The following MED28 variants were observed in gnomAD, a reference collection of about 807,000 sequenced individuals.
MED28 encodes mediator complex subunit 28.
A neutral mutation model predicts 21.3 loss-of-function variants in MED28; 26 were observed. The observed-to-expected ratio is 1.22, with a 90% CI of 0.89 to 1.69. MED28 has a LOEUF of 1.69. MED28 is among the 40% of genes most tolerant of loss of function. MED28 has a pLI of 0.00. For synonymous variants in MED28, 110 were observed against 87.6 expected (o/e 1.26, Z -1.43); for missense variants, 257 against 215.4 (o/e 1.19, Z -1.21).
rs1484227433 is a variant in MED28, at chr4:17,632,935, TTTTTGTGACA to T, written c.*9138_*9147del. On this transcript the variant is annotated 3_prime_UTR_variant, in exon 4 of 4. Coordinates refer to ENST00000237380, the MANE Select transcript of MED28 (RefSeq NM_025205.5). Reference sequence around the variant, plus strand: ...ACAGATCAAGAGACTTTGTTTTTATTTTTTGTGACAGAGTCTCCCTCTGTCACCCAGGCTG... The same window carrying T: ...ACAGATCAAGAGACTTTGTTTTTATTGAGTCTCCCTCTGTCACCCAGGCTG... The T allele has an allele frequency of 5.1e-6, 1 of 197,546 alleles. No homozygotes were observed. The highest frequency in any genetic ancestry group is 5.4e-5 in the Admixed American group (1 of 18,516). The allele number at this position is 197,546 out of a possible 1,614,324, so 12.2% of individuals were successfully genotyped here. A position where few individuals can be genotyped will look rare whatever the true frequency, so the allele number is the denominator to read the frequency against.
chr4:17,616,799 G>T (rs1218821902), intron 1 of MED28, among the ~76,000 whole-genome samples: 1 of 152,188 alleles, frequency 6.6e-6, no homozygotes, highest in Non-Finnish European at 1.5e-5. Context: ...GATAGCAAGT[G>T]CTAGATGAAT....
intron 1 of MED28, among the ~76,000 whole-genome samples, chr4:17,619,294 G>A (rs1560157165): frequency 6.6e-6 from 1 of 152,222 alleles, no homozygotes; most frequent in East Asian, 1.9e-4. Context: ...CATCCAGTCA[G>A]TAATATGTGT....
rs10028512 is a variant in MED28 at position 17,627,146 on chromosome 4, T to C, written c.*3348T>C. 108,844 of 151,932 alleles carry C rather than the reference T, an allele frequency of 0.72. 39,848 individuals carry two copies. Among genetic ancestry groups the C allele is most frequent in the East Asian group, 0.93 (4,775 of 5,144 alleles). The allele number at this position is 151,932 out of a possible 1,614,324, so 9.4% of individuals were successfully genotyped here. A position where few individuals can be genotyped will look rare whatever the true frequency, so the allele number is the denominator to read the frequency against. ...GATAATTTTGTATTTTTAGTAGAGA[T>C]GGGGTTTCACCATGTTGGTCAGGAT... On this transcript the variant is annotated 3_prime_UTR_variant, in exon 4 of 4. Transcript: ENST00000237380.
chr4:17,621,783 C>T lies in MED28; in HGVS notation c.339+84C>T, dbSNP rs560568598. On this transcript the variant is annotated intron_variant, in intron 3 of 3. Transcript: ENST00000237380. ...TTTTATGCTTTAAATGAGATGTAAC[C>T]GTTTCCTGCGAGTTTCATTCAGGCT... 30 of 905,138 alleles carry T rather than the reference C, an allele frequency of 3.3e-5. No individual in the cohort carries two copies. The South Asian group carries it at 4.1e-4, about 12-fold the overall frequency. 56.1% of individuals were successfully genotyped at this position (905,138 alleles called of 1,614,324 possible). A position where few individuals can be genotyped will look rare whatever the true frequency, so the allele number is the denominator to read the frequency against.
intron 2 of MED28, 129 bp from the exon 3 acceptor site, chr4:17,621,458 G>A: frequency 1.7e-6 from 1 of 589,056 alleles, no homozygotes; most frequent in African/African-American, 1.9e-5. Flanking sequence ...TACTGCTGTG[G>A]CCAAGATTAA....
chr4:17,619,799 C>T, intron 1 of MED28, 102 bp from the exon 2 acceptor site: 5 of 947,048 alleles, frequency 5.3e-6, no homozygotes, highest in Non-Finnish European at 8.4e-6. Flanking sequence ...ACAGATGCTG[C>T]CACCTCATCA....
rs527636470 is a variant in MED28, at chr4:17,623,267, G to C, written c.340-334G>C. Among the ~76,000 whole-genome samples, 470 of 152,166 alleles carry C rather than the reference G, an allele frequency of 3.1e-3. 1 individual carries two copies. The highest frequency in any genetic ancestry group is 4.4e-3 in the Non-Finnish European group (296 of 68,006). On this transcript the variant is annotated intron_variant, in intron 3 of 3. Transcript: ENST00000237380. The stretch of plus-strand genomic sequence containing the variant: ...AATATAAAAATTAGCTGGGTGTGGT[G>C]GCGTGTGCCTGTGATCCCAGCTACT...
Position 17,632,512 on chromosome 4 carries a change from G to A in MED28, c.*8714G>A. 1 of 1,520,286 alleles carries A rather than the reference G, an allele frequency of 6.6e-7. No homozygotes were observed. The highest frequency in any genetic ancestry group is 8.9e-7 in the Non-Finnish European group (1 of 1,120,294). The allele number at this position is 1,520,286 out of a possible 1,614,324, so 94.2% of individuals were successfully genotyped here. ...TAAATGTTTTTCAAGTATCCTCTGT[G>A]ATGTATCCCAAAGGTTAGCTTAGAA... On this transcript the variant is annotated 3_prime_UTR_variant, in exon 4 of 4. Transcript: ENST00000237380.
chr4:17,633,387 T>C lies in MED28; in HGVS notation c.*9589T>C, dbSNP rs1715023348. 1 of 241,254 alleles carries C rather than the reference T, an allele frequency of 4.1e-6. No individual in the cohort carries two copies. Among genetic ancestry groups the C allele is most frequent in the African/African-American group, 2.2e-5 (1 of 44,648 alleles). 14.9% of individuals were successfully genotyped at this position (241,254 alleles called of 1,614,324 possible). A position where few individuals can be genotyped will look rare whatever the true frequency, so the allele number is the denominator to read the frequency against. On this transcript the variant is annotated 3_prime_UTR_variant, in exon 4 of 4. Transcript: ENST00000237380. ...CGTCAGTCTGATGAGATAGGTGCTG[T>C]ATTATCTTAATTTTAAAGGCAAGGT...
intron 1 of MED28, among the ~76,000 whole-genome samples, chr4:17,616,730 C>T (rs1441124154): frequency 6.6e-6 from 1 of 152,156 alleles, no homozygotes; most frequent in Non-Finnish European, 1.5e-5. Context: ...CAGAGACTAC[C>T]TGTTTTGTAC....
chr4:17,619,184 T>C (rs1714545493), intron 1 of MED28, among the ~76,000 whole-genome samples: 1 of 152,224 alleles, frequency 6.6e-6, no homozygotes. Flanking sequence ...TGCACAGAGC[T>C]CCTTGGCTGA....
chr4:17,621,799 C>T lies in MED28; in HGVS notation c.339+100C>T, dbSNP rs754316365. ...AGATGTAACCGTTTCCTGCGAGTTTCATTCAGGCTTTATAGGTCAGTGTGA... is the reference window on the plus strand; with the variant it reads ...AGATGTAACCGTTTCCTGCGAGTTTTATTCAGGCTTTATAGGTCAGTGTGA... On this transcript the variant is annotated intron_variant, in intron 3 of 3. Coordinates refer to ENST00000237380, the MANE Select transcript of MED28 (RefSeq NM_025205.5). 323 of 818,534 alleles carry T rather than the reference C, an allele frequency of 3.9e-4. 1 individual carries two copies. Among genetic ancestry groups the T allele is most frequent in the Non-Finnish European group, 4.7e-4 (234 of 497,006 alleles). 50.7% of individuals were successfully genotyped at this position (818,534 alleles called of 1,614,324 possible).
chr4:17,622,211 T>C (rs1177848298), intron 3 of MED28, among the ~76,000 whole-genome samples: 1 of 152,150 alleles, frequency 6.6e-6, no homozygotes, highest in African/African-American at 2.4e-5. Context: ...TTTAATGGCA[T>C]TGAATGGGTT....
Position 17,632,894 on chromosome 4 carries a change from A to G in MED28, c.*9096A>G. On this transcript the variant is annotated 3_prime_UTR_variant, in exon 4 of 4. Transcript: ENST00000237380. The stretch of plus-strand genomic sequence containing the variant: ...TTAGTGGTTGTAGCTCTAATAATGC[A>G]GGATTAACCAAACCTACAGATCAAG... 1 of 283,550 alleles carries G rather than the reference A, an allele frequency of 3.5e-6. No homozygotes were observed. Among genetic ancestry groups the G allele is most frequent in the Non-Finnish European group, 6.8e-6 (1 of 146,064 alleles). 17.6% of individuals were successfully genotyped at this position (283,550 alleles called of 1,614,324 possible).
rs1430743789 is a variant in MED28, at chr4:17,631,084, T to TTCTC, written c.*7286_*7287insTCTC. ...GAAGGTAAGACAAATCAGTGTGGACTGAGAGCAAGGTCAGCACCGTGAACA... is the reference window on the plus strand; with the variant it reads ...GAAGGTAAGACAAATCAGTGTGGACTTCTCGAGAGCAAGGTCAGCACCGTGAACA... On this transcript the variant is annotated 3_prime_UTR_variant, in exon 4 of 4. Transcript: ENST00000237380. The TTCTC allele has an allele frequency of 3.9e-5, 6 of 152,356 alleles. No individual in the cohort carries two copies. The highest frequency in any genetic ancestry group is 1.4e-4 in the African/African-American group (6 of 41,578). The allele number at this position is 152,356 out of a possible 1,614,324, so 9.4% of individuals were successfully genotyped here.
chr4:17,616,793 G>A (rs1468462721), intron 1 of MED28, among the ~76,000 whole-genome samples: 1 of 152,166 alleles, frequency 6.6e-6, no homozygotes, highest in African/African-American at 2.4e-5. Flanking sequence ...GTAGTAGATA[G>A]CAAGTGCTAG....
chr4:17,620,829 G>A (rs1714605908), intron 2 of MED28, among the ~76,000 whole-genome samples: 1 of 150,976 alleles, frequency 6.6e-6, no homozygotes, highest in East Asian at 2.0e-4. Context: ...CAGCCCCCCA[G>A]TAGCTGGGAC....
chr4:17,623,916 G>T lies in MED28; in HGVS notation c.*118G>T. On this transcript the variant is annotated 3_prime_UTR_variant, in exon 4 of 4. Transcript: ENST00000237380. ...TTTGCCAGATAATGAGTTCATTTTAGTTTTATGCTCCCATTGAAAAATTTT... is the reference window on the plus strand; with the variant it reads ...TTTGCCAGATAATGAGTTCATTTTATTTTTATGCTCCCATTGAAAAATTTT... 8.6e-7 allele frequency: 1 copy of T among 1,162,998 alleles called. No homozygotes were observed. Among genetic ancestry groups the T allele is most frequent in the Non-Finnish European group, 1.2e-6 (1 of 828,978 alleles). The allele number at this position is 1,162,998 out of a possible 1,614,324, so 72.0% of individuals were successfully genotyped here.
chr4:17,616,538 C>A (rs771172441), intron 1 of MED28, among the ~76,000 whole-genome samples: 3 of 152,204 alleles, frequency 2.0e-5, no homozygotes, highest in Admixed American at 1.3e-4. Context: ...CCAGGCTTTG[C>A]ATGTTGCGTT....
Sources: gnomAD v4.1 joint callset for allele counts (sites outside exome capture counted in the v4.1 genomes callset) on GRCh38, gnomAD v4.1.1 for gene constraint, MANE v1.5 for transcripts, NCBI Gene and HGNC (gene_info 2026-07-23, HGNC 2026-07-21) for gene names.